Variants in RPH3A observed in about 807,000 individuals in gnomAD.
RPH3A encodes the protein rabphilin 3A, also known as rabphilin-3A.
In RPH3A, 48 loss-of-function variants were observed where a neutral mutation model predicts 102.2. The observed-to-expected ratio is 0.47, with a 90% CI of 0.37 to 0.60. The LOEUF (loss-of-function observed/expected upper bound fraction) is 0.60. Ranked by LOEUF, RPH3A falls within the 20% of genes least tolerant of loss-of-function variation. The pLI is 0.00. For synonymous variants in RPH3A, 310 were observed against 324.3 expected, an observed-to-expected ratio of 0.96 and a Z score of 0.47; for missense variants, 781 against 910.1, an observed-to-expected ratio of 0.86 and a Z score of 1.83.
At chr12:112,720,527 G>A (rs2040543374) in intron 1 of RPH3A, among the ~76,000 whole-genome samples, 1 of 152,196 alleles carries the variant, frequency 6.6e-6, no homozygotes. Context: ...TGGTGTTTGT[G>A]TCAGTTAGCT....
intron 1 of RPH3A, among the ~76,000 whole-genome samples, chr12:112,775,207 A>G (rs1175626676): frequency 6.6e-6 from 1 of 152,320 alleles, no homozygotes; most frequent in East Asian, 1.9e-4. Flanking sequence ...TGTACCCCAG[A>G]ACTAAAAACA....
At position 112,867,061 on chromosome 12, in the gene RPH3A, C is replaced by G. The variant is rs531536263; in HGVS notation, c.444+221C>G. On this transcript the variant is annotated intron_variant, in intron 7 of 21. Transcript: ENST00000389385. ...CCCTCTCTGTTCATCGCCCTCTGGC[C>G]TCTGTTCTTTCTTTGACCCCATTTC... Among the ~76,000 whole-genome samples, 4 of 152,102 alleles carry G rather than the reference C, an allele frequency of 2.6e-5. No individual in the cohort carries two copies. The South Asian group carries it at 8.3e-4, about 32-fold the overall frequency.
At chr12:112,599,292 A>T (rs901804881) in intron 1 of RPH3A, among the ~76,000 whole-genome samples, 1 of 152,218 alleles carries the variant, frequency 6.6e-6, no homozygotes, top group Admixed American at 6.5e-5. Context: ...GGATGTTTGC[A>T]TCCTAGAAAG....
At chr12:112,673,107 C>A (rs1450337773) in intron 1 of RPH3A, among the ~76,000 whole-genome samples, 1 of 152,110 alleles carries the variant, frequency 6.6e-6, no homozygotes, top group Non-Finnish European at 1.5e-5. Context: ...TGTCTCATTT[C>A]CCATCCTCTC....
chr12:112,750,349 G>C (rs2040778461), intron 1 of RPH3A, among the ~76,000 whole-genome samples: 1 of 152,158 alleles, frequency 6.6e-6, no homozygotes, highest in South Asian at 2.1e-4. Flanking sequence ...GAGAAAGTAA[G>C]AGAAGGGAGA....
rs749113691 is a variant in RPH3A, at chr12:112,895,890, C to T, written c.1954+17C>T. ...ATTACATCGGTGAGTGTTCCTAACT[C>T]CAGAGAAAACGCCCTCTTCTGTCCT... On this transcript the variant is annotated intron_variant, in intron 21 of 21. Transcript: ENST00000389385. The T allele has an allele frequency of 4.5e-6, 7 of 1,562,692 alleles. No individual in the cohort carries two copies. The highest frequency in any genetic ancestry group is 6.2e-6 in the Non-Finnish European group (7 of 1,134,538).
chr12:112,682,694 G>A (rs2040235856), intron 1 of RPH3A, among the ~76,000 whole-genome samples: 1 of 152,138 alleles, frequency 6.6e-6, no homozygotes, highest in African/African-American at 2.4e-5. Flanking sequence ...GCCACACTTT[G>A]ACCCAGAAGT....
rs2042618818 is a variant in RPH3A, at chr12:112,866,801, T to G, written c.405T>G (p.His135Gln). The change falls in exon 7 of 22, where the codon CAT becomes CAG. Residue 135 changes from histidine to glutamine, a missense_variant. By Grantham distance (24) the His-to-Gln change is conservative. Around this residue, in one of 2 missense-constraint regions of RPH3A, gnomAD observed 730 missense variants for 810.0 expected, o/e 0.90. Transcript: ENST00000389385. Reference protein sequence around the residue: ...KCGVETNNRLHSVWLCKICIE... With the variant: ...KCGVETNNRLQSVWLCKICIE... The stretch of plus-strand genomic sequence containing the variant: ...GAGTGGAGACCAACAACCGCCTGCA[T>G]TCTGTGTGGCTCTGCAAAATCTGCA... 6.2e-7 allele frequency: 1 copy of G among 1,611,718 alleles called. No individual in the cohort carries two copies. Among genetic ancestry groups the G allele is most frequent in the Non-Finnish European group, 8.5e-7 (1 of 1,178,946 alleles).
chr12:112,822,359 C>T (rs1378666246), intron 2 of RPH3A, among the ~76,000 whole-genome samples: 1 of 152,244 alleles, frequency 6.6e-6, no homozygotes, highest in Non-Finnish European at 1.5e-5. Flanking sequence ...CATAAAATCC[C>T]TGCCAGCCCA....
rs1255469047 is a variant in RPH3A, at chr12:112,875,742, G to A, written c.946+1G>A. 1.2e-6 allele frequency: 2 copies of A among 1,613,640 alleles called. No homozygotes were observed. Among genetic ancestry groups the A allele is most frequent in the South Asian group, 2.2e-5 (2 of 90,982 alleles). On this transcript the variant is annotated splice_donor_variant, in intron 12 of 21. Transcript: ENST00000389385. LOFTEE classifies it high-confidence loss of function. The stretch of plus-strand genomic sequence containing the variant: ...GGACGCTTTCCAGATCAGAAGCCAG[G>A]CAAGTATCTGCTTCCTCCCATGCCT...
In RPH3A at chr12:112,761,316, G is replaced by T. The variant is rs192729861; in HGVS notation, c.-139-30827G>T. Among the ~76,000 whole-genome samples the T allele has an allele frequency of 4.1e-3, 616 of 152,044 alleles. 4 individuals carry two copies. Among genetic ancestry groups the T allele is most frequent in the African/African-American group, 0.014 (575 of 41,290 alleles). ...GAGCAATGTGTGCATGCGTCTGTGT[G>T]TGTATTCACATGCACGTGCATTCTA... On this transcript the variant is annotated intron_variant, in intron 1 of 21. Transcript: ENST00000543106.
intron 1 of RPH3A, among the ~76,000 whole-genome samples, chr12:112,659,124 A>G (rs1391504452): frequency 1.3e-5 from 2 of 152,170 alleles, no homozygotes; most frequent in African/African-American, 2.4e-5. Context: ...CTACTGCCCC[A>G]TCACCTAGAA....
rs1566254583 is a variant in RPH3A, at chr12:112,677,467, TTCCTTC to T, written c.-140+102149_-140+102154del. 1.4e-3 allele frequency among the ~76,000 whole-genome samples: 193 copies of T among 138,024 alleles called. 3 individuals are homozygous for T. Among genetic ancestry groups the T allele is most frequent in the African/African-American group, 4.9e-3 (177 of 36,126 alleles). The allele number at this position is 138,024 out of a possible 152,430, so 90.5% of individuals were successfully genotyped here. On this transcript the variant is annotated intron_variant, in intron 1 of 21. Transcript: ENST00000543106. ...CTTCCTTCCTTCCTTCCTTCCTTCC[TTCCTTC>T]CTTCCTTCCTTCCCTCTTTCTCTTT...
chr12:112,694,920 T>A (rs1031986786), intron 1 of RPH3A: 5 of 170,106 alleles, frequency 2.9e-5, no homozygotes, highest in Admixed American at 2.0e-4. Flanking sequence ...CTGAAGTCAC[T>A]TCATCTATGC....
intron 1 of RPH3A, among the ~76,000 whole-genome samples, chr12:112,656,843 A>G (rs929531954): frequency 7.2e-5 from 11 of 151,730 alleles, no homozygotes; most frequent in Admixed American, 3.9e-4. Flanking sequence ...TCTTTATCCA[A>G]TTATCCATTG....
chr12:112,744,330 C>A (rs948855989), intron 1 of RPH3A, among the ~76,000 whole-genome samples: 1 of 152,096 alleles, frequency 6.6e-6, no homozygotes, highest in African/African-American at 2.4e-5. Flanking sequence ...CCTGCCTTGG[C>A]CTCCCAAAGT....
chr12:112,701,204 T>G (rs533412071), intron 1 of RPH3A, among the ~76,000 whole-genome samples: 1 of 151,992 alleles, frequency 6.6e-6, no homozygotes, highest in East Asian at 1.9e-4. Flanking sequence ...CAGGAGGAGA[T>G]GGAGTCGAGA....
intron 7 of RPH3A, 31 bp from the exon 8 acceptor site, chr12:112,868,399 A>G (rs1390813119): frequency 1.2e-6 from 2 of 1,602,194 alleles, no homozygotes; most frequent in African/African-American, 1.3e-5. Flanking sequence ...CTTGGCTGCC[A>G]CATCTTCAAT....
chr12:112,813,738 TG>T (rs143221408), intron 2 of RPH3A, among the ~76,000 whole-genome samples: 16,354 of 152,078 alleles, frequency 0.11, 984 homozygotes, highest in East Asian at 0.27. Flanking sequence ...CCCACAAAAG[TG>T]GGTGCTGCTA....
Sources: allele counts gnomAD v4.1 joint callset (sites outside exome capture counted in the v4.1 genomes callset), GRCh38; gene constraint gnomAD v4.1.1; regional missense constraint gnomAD v4.1.1; transcripts MANE v1.5; gene names NCBI Gene and HGNC (gene_info 2026-07-23, HGNC 2026-07-21).